The following CAMSAP2 variants were observed in gnomAD, a reference collection of about 807,000 sequenced individuals.
CAMSAP2 encodes the protein calmodulin-regulated spectrin-associated protein 2.
Under a neutral mutation model 146.1 loss-of-function variants are expected in CAMSAP2, and 26 were observed. The observed-to-expected ratio is 0.18, with a 90% CI of 0.13 to 0.25. The LOEUF (loss-of-function observed/expected upper bound fraction) is 0.25. Ranked by LOEUF, CAMSAP2 falls within the 10% of genes least tolerant of loss-of-function variation. CAMSAP2 has a pLI of 1.00. For synonymous variants in CAMSAP2, 499 were observed against 596.6 expected (o/e 0.84, Z 2.38); for missense variants, 1,381 against 1,759.3 (o/e 0.78, Z 3.85).
intron 1 of CAMSAP2, among the ~76,000 whole-genome samples, chr1:200,753,587 G>A (rs777106327): frequency 6.6e-6 from 1 of 152,142 alleles, no homozygotes; most frequent in Non-Finnish European, 1.5e-5. Context: ...TACCTAGACA[G>A]TAGGAAAAAA....
intron 6 of CAMSAP2, 102 bp from the exon 7 acceptor site, chr1:200,841,891 AG>A: frequency 1.3e-6 from 1 of 792,076 alleles, no homozygotes; most frequent in Admixed American, 2.0e-5. Flanking sequence ...AATATACTCC[AG>A]TGATGAATGA....
rs1571838975 is a variant in CAMSAP2, at chr1:200,857,288, G to A, written c.4013-18G>A. 1 of 1,435,090 alleles carries A rather than the reference G, an allele frequency of 7.0e-7. No homozygotes were observed. 88.9% of individuals were successfully genotyped at this position (1,435,090 alleles called of 1,614,324 possible). A position where few individuals can be genotyped will look rare whatever the true frequency, so the allele number is the denominator to read the frequency against. On this transcript the variant is annotated intron_variant, in intron 15 of 16. Transcript: ENST00000358823. This position sits in a 1 kb window ranked among gnomAD's most constrained non-coding sequence, Gnocchi z 4.7. ...TAGGAATGTTATTTTTATTATTGTT[G>A]TTAAATCCCTACCATAGGACCAAAG...
At chr1:200,816,805 TGTATATATGTGTGTACACACACACGC>T (rs1666529909) in intron 4 of CAMSAP2, among the ~76,000 whole-genome samples, 1 of 76,686 alleles carries the variant, frequency 1.3e-5, no homozygotes, top group African/African-American at 5.6e-5. Context: ...CACACACGCG[TGTATATATGTGTGTACACACACACGC>T]GTGTGTATGT....
At chr1:200,827,921 G>T (rs1403368447) in intron 4 of CAMSAP2, among the ~76,000 whole-genome samples, 1 of 151,776 alleles carries the variant, frequency 6.6e-6, no homozygotes, top group Non-Finnish European at 1.5e-5. Flanking sequence ...AGATTCTTTG[G>T]GACAGCCCTA....
At chr1:200,800,576 G>A (rs1387784766) in intron 2 of CAMSAP2, among the ~76,000 whole-genome samples, 1 of 151,982 alleles carries the variant, frequency 6.6e-6, no homozygotes, top group East Asian at 1.9e-4. Flanking sequence ...CATGTGATGG[G>A]TCTTCTGAAT....
At chr1:200,809,781 T>C (rs888902204) in intron 3 of CAMSAP2, among the ~76,000 whole-genome samples, 1 of 152,192 alleles carries the variant, frequency 6.6e-6, no homozygotes, top group African/African-American at 2.4e-5. Context: ...CTGGGTGATT[T>C]ATAATGAAAA....
At chr1:200,816,795 C>T (rs868752448) in intron 4 of CAMSAP2, among the ~76,000 whole-genome samples, 1 of 83,510 alleles carries the variant, frequency 1.2e-5, no homozygotes, top group African/African-American at 6.1e-5. Context: ...TGTGTGTACA[C>T]ACACACGCGT....
intron 6 of CAMSAP2, among the ~76,000 whole-genome samples, chr1:200,835,631 T>C (rs991826032): frequency 1.3e-5 from 2 of 152,316 alleles, no homozygotes; most frequent in East Asian, 3.9e-4. Flanking sequence ...AAAAAAAATT[T>C]TTTTCTAATT....
chr1:200,801,434 A>G (rs1408424664), intron 2 of CAMSAP2, among the ~76,000 whole-genome samples: 1 of 152,072 alleles, frequency 6.6e-6, no homozygotes, highest in Non-Finnish European at 1.5e-5. Flanking sequence ...CTCGAGGAGT[A>G]TCTTTGTGGT....
intron 4 of CAMSAP2, among the ~76,000 whole-genome samples, chr1:200,825,614 C>G (rs1666885363): frequency 6.6e-6 from 1 of 151,306 alleles, no homozygotes; most frequent in Admixed American, 6.6e-5. Flanking sequence ...TCAAGCGATT[C>G]TTCTGCCTCA....
intron 2 of CAMSAP2, among the ~76,000 whole-genome samples, chr1:200,766,127 G>A (rs1305836425): frequency 6.6e-6 from 1 of 151,324 alleles, no homozygotes; most frequent in Non-Finnish European, 1.5e-5. Context: ...TTATTTATGA[G>A]ACTATCAAGT....
intron 15 of CAMSAP2, among the ~76,000 whole-genome samples, chr1:200,856,888 A>G (rs1367166917): frequency 6.6e-6 from 1 of 152,176 alleles, no homozygotes; most frequent in Non-Finnish European, 1.5e-5. Context: ...CAGTATTTCC[A>G]TGTTACTCAC....
At chr1:200,757,879 A>C (rs888220572) in intron 1 of CAMSAP2, among the ~76,000 whole-genome samples, 1 of 152,124 alleles carries the variant, frequency 6.6e-6, no homozygotes, top group Non-Finnish European at 1.5e-5. Flanking sequence ...TTCACAACTT[A>C]GGTTAGTGGA....
chr1:200,821,295 A>T (rs1395374023), intron 4 of CAMSAP2, among the ~76,000 whole-genome samples: 2 of 149,214 alleles, frequency 1.3e-5, no homozygotes, highest in African/African-American at 5.0e-5. Context: ...CAATCTTCCC[A>T]CCTCAGCCTC....
intron 2 of CAMSAP2, among the ~76,000 whole-genome samples, chr1:200,765,559 A>G (rs538840471): frequency 6.6e-6 from 1 of 152,200 alleles, no homozygotes; most frequent in East Asian, 1.9e-4. Flanking sequence ...CCAGCTGACC[A>G]CTGACATCTC....
At chr1:200,747,419 A>C (rs1402677997) in intron 1 of CAMSAP2, among the ~76,000 whole-genome samples, 1 of 152,200 alleles carries the variant, frequency 6.6e-6, no homozygotes, top group African/African-American at 2.4e-5. Context: ...GCTACAAGGA[A>C]GTTATTGATG....
intron 6 of CAMSAP2, among the ~76,000 whole-genome samples, chr1:200,838,134 G>A (rs1667229842): frequency 6.6e-6 from 1 of 152,058 alleles, no homozygotes; most frequent in Non-Finnish European, 1.5e-5. Flanking sequence ...TTTAATTACT[G>A]GGAAAATTAT....
chr1:200,787,111 A>G (rs1665616621), intron 2 of CAMSAP2, among the ~76,000 whole-genome samples: 1 of 152,154 alleles, frequency 6.6e-6, no homozygotes, highest in African/African-American at 2.4e-5. Context: ...AAGGGCATGA[A>G]TGTTTTCATG....
rs562342605 is a variant in CAMSAP2, at chr1:200,800,350, G to A, written c.400-7026G>A. Among the ~76,000 whole-genome samples, 11 of 152,260 alleles carry A rather than the reference G, an allele frequency of 7.2e-5. 1 individual carries two copies. In the South Asian group the frequency reaches 2.3e-3, roughly 32 times the overall value. On this transcript the variant is annotated intron_variant, in intron 2 of 16. Transcript: ENST00000358823. ...TTGCTTTATGAATCTGGGTGCTCCT[G>A]TATTGGGTGCATATATATTTAGGAT...
Sources: gnomAD v4.1 joint callset for allele counts (sites outside exome capture counted in the v4.1 genomes callset) on GRCh38, gnomAD v4.1.1 for gene constraint, Gnocchi (gnomAD v3.1) non-coding constraint, MANE v1.5 for transcripts, NCBI Gene and HGNC (gene_info 2026-07-23, HGNC 2026-07-21) for gene names.